HDAC9: variants seen among roughly 807,000 people sequenced by gnomAD.
HDAC9 encodes the protein MEF-2 interacting transcription repressor (MITR) protein.
A neutral mutation model predicts 139.4 loss-of-function variants in HDAC9; 41 were observed. That is an observed-to-expected ratio of 0.29 (90% confidence interval 0.23 to 0.38). The LOEUF (loss-of-function observed/expected upper bound fraction) is 0.38, where lower values mean the gene tolerates loss of function less well. Among genes scored for constraint, HDAC9 ranks in the 10% least tolerant of loss-of-function variants. HDAC9 has a pLI of 1.00. For synonymous variants in HDAC9, 517 were observed against 476.2 expected (o/e 1.09, Z -1.12); for missense variants, 1,147 against 1,297.0 (o/e 0.88, Z 1.78).
intron 2 of HDAC9, among the ~76,000 whole-genome samples, chr7:18,553,010 TA>T (rs938366282): frequency 2.0e-5 from 3 of 152,134 alleles, no homozygotes; most frequent in Non-Finnish European, 2.9e-5. Context: ...TTGAACCTTT[TA>T]AAAAAATTAT....
At chr7:18,116,709 A>G (rs1179760457) in intron 1 of HDAC9, among the ~76,000 whole-genome samples, 1 of 152,174 alleles carries the variant, frequency 6.6e-6, no homozygotes, top group Non-Finnish European at 1.5e-5. Flanking sequence ...GGCAGATTTC[A>G]TAGCCTAACT....
intron 1 of HDAC9, among the ~76,000 whole-genome samples, chr7:18,310,339 A>G (rs1272803534): frequency 2.6e-5 from 4 of 152,172 alleles, no homozygotes; most frequent in South Asian, 2.1e-4. Context: ...ACGATATACC[A>G]TGGCCCAGAA....
intron 21 of HDAC9, among the ~76,000 whole-genome samples, chr7:18,850,941 C>T (rs1206339447): frequency 1.3e-5 from 2 of 152,170 alleles, no homozygotes; most frequent in South Asian, 4.1e-4. Context: ...GCTCTGCTCC[C>T]ATGGTCTAAT....
chr7:18,090,479 TC>T (rs1391472679), intron 1 of HDAC9, among the ~76,000 whole-genome samples: 1 of 152,192 alleles, frequency 6.6e-6, no homozygotes, highest in East Asian at 1.9e-4. Context: ...TTGCAATCAA[TC>T]CATAGTCCAC....
At chr7:18,932,987 C>T (rs1027307024) in intron 22 of HDAC9, among the ~76,000 whole-genome samples, 2 of 152,016 alleles carry the variant, frequency 1.3e-5, no homozygotes, top group African/African-American at 4.8e-5. Context: ...CCAGTCTTGC[C>T]ATATAAGAAT....
At chr7:18,794,039 C>T (rs1046732472) in intron 17 of HDAC9, among the ~76,000 whole-genome samples, 3 of 152,136 alleles carry the variant, frequency 2.0e-5, no homozygotes, top group Non-Finnish European at 4.4e-5. Flanking sequence ...TGTCCAAACC[C>T]CAGCGTTTCC....
chr7:18,250,774 AC>A (rs1361048660), intron 2 of HDAC9, among the ~76,000 whole-genome samples: 1 of 151,938 alleles, frequency 6.6e-6, no homozygotes, highest in Non-Finnish European at 1.5e-5. Flanking sequence ...CTGCAACCTC[AC>A]CAGCATCTGT....
intron 6 of HDAC9, among the ~76,000 whole-genome samples, chr7:18,595,537 A>G (rs1418639968): frequency 1.3e-5 from 2 of 152,064 alleles, no homozygotes; most frequent in Non-Finnish European, 2.9e-5. Context: ...TACTGAGATT[A>G]TGCAGATACT....
At chr7:18,473,201 C>A (rs1343852017) in intron 1 of HDAC9, among the ~76,000 whole-genome samples, 1 of 152,128 alleles carries the variant, frequency 6.6e-6, no homozygotes, top group Non-Finnish European at 1.5e-5. Context: ...ACTTTTATAC[C>A]CATGTTCTTT....
intron 2 of HDAC9, among the ~76,000 whole-genome samples, chr7:18,272,298 GTA>G (rs1328375702): frequency 6.6e-6 from 1 of 152,114 alleles, no homozygotes; most frequent in Non-Finnish European, 1.5e-5. Flanking sequence ...TTTAGACCTT[GTA>G]AGTATAATTA....
intron 1 of HDAC9, among the ~76,000 whole-genome samples, chr7:18,463,731 A>G (rs1021822847): frequency 7.2e-5 from 11 of 152,012 alleles, no homozygotes; most frequent in African/African-American, 2.6e-4. Flanking sequence ...TGAAAACTGT[A>G]GTTTTTCCTC....
intron 21 of HDAC9, among the ~76,000 whole-genome samples, chr7:18,861,549 C>A (rs937968260): frequency 1.3e-5 from 2 of 152,102 alleles, no homozygotes; most frequent in Non-Finnish European, 2.9e-5. Context: ...TACACTAATA[C>A]TATTCTCACA....
At chr7:18,477,979 C>G (rs1795249441) in intron 1 of HDAC9, among the ~76,000 whole-genome samples, 1 of 152,068 alleles carries the variant, frequency 6.6e-6, no homozygotes, top group Admixed American at 6.5e-5. Context: ...AAAACAAAGA[C>G]CAGTCAATAC....
rs1271947833 is a variant in HDAC9 at position 18,936,036 on chromosome 7, A to G, written c.2937+94A>G. On this transcript the variant is annotated intron_variant, in intron 23 of 25. Transcript: ENST00000686413. ...TAAAAAAAAATTCTGCATACTCAGA[A>G]AGCTTAACATTGCTCTTACCATTAA... is the stretch of plus-strand genomic sequence containing the variant. 2.7e-5 allele frequency: 32 copies of G among 1,200,698 alleles called. No individual in the cohort carries two copies. In the Middle Eastern group the frequency reaches 6.9e-4, roughly 26 times the overall value. 74.4% of individuals were successfully genotyped at this position (1,200,698 alleles called of 1,614,324 possible). A position where few individuals can be genotyped will look rare whatever the true frequency, so the allele number is the denominator to read the frequency against.
intron 2 of HDAC9, among the ~76,000 whole-genome samples, chr7:18,275,320 T>C (rs1013210383): frequency 2.0e-5 from 3 of 152,198 alleles, no homozygotes; most frequent in African/African-American, 7.2e-5. Context: ...CCACAATCTT[T>C]TGCTTAGATT....
chr7:18,933,728 G>T (rs1342097191), intron 22 of HDAC9, among the ~76,000 whole-genome samples: 1 of 152,070 alleles, frequency 6.6e-6, no homozygotes, highest in African/African-American at 2.4e-5. Context: ...GATTTCAAAT[G>T]TCAGTTACAG....
intron 16 of HDAC9, among the ~76,000 whole-genome samples, chr7:18,773,365 ACACACACACACACAC>A (rs1790482177): frequency 0.017 from 76 of 4,422 alleles, no homozygotes; most frequent in African/African-American, 0.12. Context: ...AAAACTGTAT[ACACACACACACACAC>A]ACACACACAC....
intron 2 of HDAC9, among the ~76,000 whole-genome samples, chr7:18,191,245 G>A (rs1161736567): frequency 6.6e-6 from 1 of 152,112 alleles, no homozygotes; most frequent in Non-Finnish European, 1.5e-5. Context: ...AAAATCATAA[G>A]GAAGGAAAGA....
intron 1 of HDAC9, among the ~76,000 whole-genome samples, chr7:18,465,136 T>A (rs1315472004): frequency 6.6e-6 from 1 of 152,100 alleles, no homozygotes; most frequent in African/African-American, 2.4e-5. Context: ...CGCCATTATA[T>A]GAAGTACAAT....
Sources: allele counts gnomAD v4.1 joint callset (sites outside exome capture counted in the v4.1 genomes callset), GRCh38; gene constraint gnomAD v4.1.1; transcripts MANE v1.5; gene names NCBI Gene and HGNC (gene_info 2026-07-23, HGNC 2026-07-21).